The following PCSK5 variants were observed in gnomAD, a reference collection of about 807,000 sequenced individuals.
PCSK5 encodes proprotein convertase subtilisin/kexin type 5.
PCSK5 carries 129 observed loss-of-function variants against 233.2 expected under a neutral mutation model. The observed-to-expected ratio is 0.55, with a 90% CI of 0.48 to 0.64. The LOEUF is 0.64. Ranked by LOEUF, PCSK5 falls within the 30% of genes least tolerant of loss-of-function variation. The probability of loss-of-function intolerance (pLI) is 0.00; values close to 1 mark genes in which losing one functional copy is unlikely to be tolerated. For synonymous variants in PCSK5, 825 were observed against 879.2 expected, an observed-to-expected ratio of 0.94 and a Z score of 1.09; for missense variants, 2,076 against 2,430.1, an observed-to-expected ratio of 0.85 and a Z score of 3.06.
In PCSK5 at chr9:76,189,143, G is replaced by A. The variant is rs762073912; in HGVS notation, c.2430G>A (p.Glu810=). ...ACTGCACAGAGGGCTACTTCATGGA[G>A]GATGGGAGATGCGTGCAGAGCTGTA... The part of the protein sequence containing the change: ...CINCTEGYFM[E]DGRCVQSCSI... The change falls in exon 19 of 38, where the codon GAG becomes GAA. Residue 810 remains glutamate, a synonymous_variant. Transcript: ENST00000674117. The A allele has an allele frequency of 3.1e-6, 5 of 1,612,932 alleles. No individual in the cohort carries two copies. The highest frequency in any genetic ancestry group is 4.2e-6 in the Non-Finnish European group (5 of 1,179,290).
intron 20 of PCSK5, among the ~76,000 whole-genome samples, chr9:76,196,351 T>C (rs935478051): frequency 1.3e-5 from 2 of 152,204 alleles, no homozygotes; most frequent in African/African-American, 4.8e-5. Flanking sequence ...TTTGCTGACA[T>C]CTTGCGTAAA....
rs200067242 is a variant in PCSK5 at position 75,980,611 on chromosome 9, AT to A, written c.298-5514del. Among the ~76,000 whole-genome samples the A allele has an allele frequency of 3.9e-3, 593 of 152,280 alleles. 8 individuals carry two copies. Among genetic ancestry groups the A allele is most frequent in the African/African-American group, 0.012 (506 of 41,560 alleles). ...AAACAGAATTTAAACGATCTTAATA[AT>A]TTTTTTCTTTAAAAAGGTGACAAAA... On this transcript the variant is annotated intron_variant, in intron 2 of 37. Coordinates refer to ENST00000674117, the MANE Select transcript of PCSK5 (RefSeq NM_001372043.1).
intron 29 of PCSK5, among the ~76,000 whole-genome samples, chr9:76,310,200 A>T (rs540487017): frequency 6.6e-6 from 1 of 151,426 alleles, no homozygotes; most frequent in Non-Finnish European, 1.5e-5. Flanking sequence ...GTGAGCCAAG[A>T]TCGCACCAGT....
chr9:76,360,143 G>A lies in PCSK5; in HGVS notation c.*1221G>A, dbSNP rs1830406048. On this transcript the variant is annotated 3_prime_UTR_variant, in exon 38 of 38. Coordinates refer to ENST00000674117, the MANE Select transcript of PCSK5 (RefSeq NM_001372043.1). ...TTTCCTTGTCAAAATAGACCTTACAGGCAGTACTAGAAATGGAGCACCAGA... is the reference window on the plus strand; with the variant it reads ...TTTCCTTGTCAAAATAGACCTTACAAGCAGTACTAGAAATGGAGCACCAGA... 1 of 152,158 alleles carries A rather than the reference G, an allele frequency of 6.6e-6. No homozygotes were observed. Among genetic ancestry groups the A allele is most frequent in the Non-Finnish European group, 1.5e-5 (1 of 68,042 alleles). The allele number at this position is 152,158 out of a possible 1,614,324, so 9.4% of individuals were successfully genotyped here. A position where few individuals can be genotyped will look rare whatever the true frequency, so the allele number is the denominator to read the frequency against.
intron 2 of PCSK5, among the ~76,000 whole-genome samples, chr9:75,961,853 C>A (rs1423256400): frequency 6.6e-6 from 1 of 152,170 alleles, no homozygotes; most frequent in Admixed American, 6.5e-5. Context: ...TTTCTTTTTG[C>A]ATCTTCAATG....
chr9:76,018,712 C>G (rs1448992612), intron 3 of PCSK5, among the ~76,000 whole-genome samples: 1 of 152,152 alleles, frequency 6.6e-6, no homozygotes, highest in Non-Finnish European at 1.5e-5. Flanking sequence ...CTTCCTGTTG[C>G]TGAAAATTTT....
intron 9 of PCSK5, among the ~76,000 whole-genome samples, chr9:76,123,857 T>C (rs1832738703): frequency 6.6e-6 from 1 of 152,244 alleles, no homozygotes; most frequent in Non-Finnish European, 1.5e-5. Flanking sequence ...GTTTATTTCT[T>C]TTAAATCAGT....
At chr9:76,041,652 C>T (rs1223926089) in intron 5 of PCSK5, among the ~76,000 whole-genome samples, 5 of 151,870 alleles carry the variant, frequency 3.3e-5, no homozygotes, top group Admixed American at 6.6e-5. Flanking sequence ...CAATCCTGGC[C>T]AATATGGTGA....
intron 5 of PCSK5, among the ~76,000 whole-genome samples, chr9:76,041,088 G>A (rs570043592): frequency 1.3e-5 from 2 of 152,278 alleles, no homozygotes; most frequent in South Asian, 2.1e-4. Flanking sequence ...GTGGATGGGT[G>A]TAGCTCTCTC....
intron 12 of PCSK5, among the ~76,000 whole-genome samples, chr9:76,162,201 CCA>C (rs1822891586): frequency 6.6e-6 from 1 of 152,218 alleles, no homozygotes; most frequent in Non-Finnish European, 1.5e-5. Context: ...TGGCCACCTT[CCA>C]AGGCCTGGCT....
chr9:75,957,770 G>A (rs1825159914), intron 2 of PCSK5, among the ~76,000 whole-genome samples: 1 of 152,214 alleles, frequency 6.6e-6, no homozygotes, highest in African/African-American at 2.4e-5. Flanking sequence ...ATACACTGCA[G>A]TATTAATATG....
intron 3 of PCSK5, among the ~76,000 whole-genome samples, chr9:76,023,342 G>A (rs556650659): frequency 1.3e-5 from 2 of 152,060 alleles, no homozygotes; most frequent in Non-Finnish European, 1.5e-5. Context: ...TAGACAATGT[G>A]CCAAATTGCT....
chr9:76,235,234 G>T (rs1311595657), intron 22 of PCSK5, among the ~76,000 whole-genome samples: 2 of 152,050 alleles, frequency 1.3e-5, no homozygotes, highest in African/African-American at 4.8e-5. Context: ...TTCAAGTCCC[G>T]CCTTTGTTAC....
chr9:76,169,291 GGTGA>G (rs1310687145), intron 12 of PCSK5, among the ~76,000 whole-genome samples: 1 of 152,086 alleles, frequency 6.6e-6, no homozygotes, highest in Admixed American at 6.6e-5. Context: ...TGAGTTTTAT[GGTGA>G]GTGTGTGTGT....
chr9:76,162,831 T>C (rs1320350571), intron 12 of PCSK5, among the ~76,000 whole-genome samples: 3 of 152,204 alleles, frequency 2.0e-5, no homozygotes, highest in Admixed American at 6.5e-5. Context: ...GGTGATTCTT[T>C]TCATCCCGAA....
intron 24 of PCSK5, among the ~76,000 whole-genome samples, chr9:76,272,538 G>A (rs1337362753): frequency 6.6e-6 from 1 of 151,976 alleles, no homozygotes; most frequent in Non-Finnish European, 1.5e-5. Flanking sequence ...ACTTTGGGAG[G>A]CTGAGACGGG....
chr9:76,315,217 G>C (rs910487049), intron 30 of PCSK5, among the ~76,000 whole-genome samples: 4 of 152,174 alleles, frequency 2.6e-5, no homozygotes, highest in Non-Finnish European at 5.9e-5. Flanking sequence ...GCCTTTCAGA[G>C]TGCTGGGATT....
At position 76,181,400 on chromosome 9, in the gene PCSK5, T is replaced by A. The variant is rs1734410572; in HGVS notation, c.2006T>A (p.Ile669Asn). Residue 669 changes from isoleucine (I) to asparagine (N), a missense_variant and splice_region_variant, in exon 16 of 38, where the codon ATC (isoleucine) becomes AAC (asparagine). Around this residue, in one of 6 missense-constraint regions of PCSK5, gnomAD observed 84 missense variants for 108.8 expected, o/e 0.77. Transcript: ENST00000674117. ...TTTCTTATTGTTTCACAATGCAGGA[T>A]CTGTGTCTCCAGCTGCCCCCCTGGC... is the stretch of plus-strand genomic sequence containing the variant. Reference protein sequence around the residue: ...YYYKLKNNTRICVSSCPPGHY... With the variant: ...YYYKLKNNTRNCVSSCPPGHY... The A allele has an allele frequency of 6.2e-7, 1 of 1,611,552 alleles. No individual in the cohort carries two copies. The highest frequency in any genetic ancestry group is 8.5e-7 in the Non-Finnish European group (1 of 1,178,836).
At chr9:76,222,917 C>G (rs1456535754) in intron 20 of PCSK5, among the ~76,000 whole-genome samples, 1 of 152,130 alleles carries the variant, frequency 6.6e-6, no homozygotes, top group Non-Finnish European at 1.5e-5. Context: ...AAGTTGGAAA[C>G]TACATGTTGG....
Sources: allele counts gnomAD v4.1 joint callset (sites outside exome capture counted in the v4.1 genomes callset), GRCh38; gene constraint gnomAD v4.1.1; regional missense constraint gnomAD v4.1.1; transcripts MANE v1.5; gene names NCBI Gene and HGNC (gene_info 2026-07-23, HGNC 2026-07-21).